Variants in MAP3K2 observed in about 807,000 individuals in gnomAD.
The protein encoded by MAP3K2 is mitogen-activated protein kinase kinase kinase 2.
Under a neutral mutation model 80.3 loss-of-function variants are expected in MAP3K2, and 24 were observed. The observed-to-expected ratio is 0.30, with a 90% CI of 0.22 to 0.42. MAP3K2 has a LOEUF of 0.42. Among genes scored for constraint, MAP3K2 ranks in the 10% least tolerant of loss-of-function variants. The probability of loss-of-function intolerance (pLI) is 1.00; values close to 1 mark genes in which losing one functional copy is unlikely to be tolerated. For missense variants in MAP3K2, 608 were observed against 750.1 expected (o/e 0.81, Z 2.21); for synonymous variants, 244 against 253.7 (o/e 0.96, Z 0.36).
chr2:127,376,710 C>G (rs1340794126), intron 1 of MAP3K2, among the ~76,000 whole-genome samples: 2 of 152,128 alleles, frequency 1.3e-5, no homozygotes, highest in Non-Finnish European at 2.9e-5. Flanking sequence ...TTGTTTTAAG[C>G]CACTGAGATA....
chr2:127,328,286 A>T (rs1686184229), intron 7 of MAP3K2, among the ~76,000 whole-genome samples: 1 of 152,228 alleles, frequency 6.6e-6, no homozygotes, highest in Admixed American at 6.5e-5. Context: ...AAAAATAAAT[A>T]AAATAAAGTG....
intron 1 of MAP3K2, among the ~76,000 whole-genome samples, chr2:127,361,853 A>T (rs1686899586): frequency 1.3e-5 from 2 of 152,240 alleles, no homozygotes; most frequent in South Asian, 2.1e-4. Context: ...ACTCTCGGCT[A>T]TTACAAACCC....
intron 1 of MAP3K2, among the ~76,000 whole-genome samples, chr2:127,366,494 A>C (rs554474483): frequency 6.6e-6 from 1 of 152,302 alleles, no homozygotes; most frequent in East Asian, 1.9e-4. Context: ...AGAAATAAAA[A>C]ATTCTGAGAA....
intron 8 of MAP3K2, 139 bp downstream of exon 8, chr2:127,326,548 T>C: frequency 1.9e-6 from 1 of 524,130 alleles, no homozygotes; most frequent in Non-Finnish European, 3.0e-6. Context: ...TTTTCCTATA[T>C]TTTTTCTATT....
rs1386673205 is a variant in MAP3K2, at chr2:127,321,395, G to T, written c.1045+651C>A. Among the ~76,000 whole-genome samples, 3 of 152,070 alleles carry T rather than the reference G, an allele frequency of 2.0e-5. No individual in the cohort carries two copies. The highest frequency in any genetic ancestry group is 7.2e-5 in the African/African-American group (3 of 41,382). Reference sequence around the variant, plus strand: ...CAAAAATAACAGCAATATAGCATGGGGTCAATATGGATATAAAAGTAAACT... The same window carrying T: ...CAAAAATAACAGCAATATAGCATGGTGTCAATATGGATATAAAAGTAAACT... On this transcript the variant is annotated intron_variant, in intron 12 of 16. Coordinates refer to ENST00000682094, the MANE Select transcript of MAP3K2 (RefSeq NM_001371910.2). This position sits in a 1 kb window ranked among gnomAD's most constrained non-coding sequence, Gnocchi z 4.4.
rs542722186 is a variant in MAP3K2 at position 127,364,172 on chromosome 2, T to G, written c.-65-20978A>C. Among the ~76,000 whole-genome samples, 4 of 152,362 alleles carry G rather than the reference T, an allele frequency of 2.6e-5. No individual in the cohort carries two copies. In the East Asian group the frequency reaches 5.8e-4, roughly 22 times the overall value. ...AGCCCCCTTCCTGGTCCTTGATTTC[T>G]GCTCATCCCTTGAATACCCATCTCC... On this transcript the variant is annotated intron_variant, in intron 1 of 16. Transcript: ENST00000682094. The surrounding 1 kb of genome is among the most constrained non-coding windows in gnomAD (Gnocchi z 4.1).
chr2:127,309,133 G>A (rs896279815), intron 15 of MAP3K2, among the ~76,000 whole-genome samples: 2 of 152,156 alleles, frequency 1.3e-5, no homozygotes, highest in Non-Finnish European at 2.9e-5. Flanking sequence ...GAAGCCCATG[G>A]ATGAAGCTTA....
At chr2:127,344,488 CA>C (rs10611311) in intron 1 of MAP3K2, among the ~76,000 whole-genome samples, 32,298 of 128,842 alleles carry the variant, frequency 0.25, 3,721 homozygotes, top group Middle Eastern at 0.3. Flanking sequence ...CCATTTCCAC[CA>C]AAAAAAAAAA....
At chr2:127,341,330 G>C (rs1374115166) in intron 2 of MAP3K2, among the ~76,000 whole-genome samples, 3 of 151,694 alleles carry the variant, frequency 2.0e-5, no homozygotes, top group African/African-American at 7.3e-5. Context: ...AAAAAAATAA[G>C]TACCGTTTTC....
chr2:127,309,122 A>G (rs1182435211), intron 15 of MAP3K2, among the ~76,000 whole-genome samples: 1 of 152,232 alleles, frequency 6.6e-6, no homozygotes, highest in Admixed American at 6.5e-5. Flanking sequence ...TCATAAAGCA[A>G]GAAGCCCATG....
intron 1 of MAP3K2, 99 bp from the exon 2 acceptor site, chr2:127,343,293 T>C (rs1347077734): frequency 3.4e-6 from 2 of 584,542 alleles, no homozygotes; most frequent in African/African-American, 1.9e-5. Context: ...TAATGAAAAA[T>C]ATACAATATG....
chr2:127,314,635 T>C (rs1685866376), intron 15 of MAP3K2, 119 bp downstream of exon 15: 1 of 797,390 alleles, frequency 1.3e-6, no homozygotes, highest in Non-Finnish European at 1.9e-6. Context: ...AAGAGAACTG[T>C]TTCCCTGTAG....
At chr2:127,340,939 G>A (rs1686467852) in intron 2 of MAP3K2, among the ~76,000 whole-genome samples, 1 of 151,780 alleles carries the variant, frequency 6.6e-6, no homozygotes, top group Admixed American at 6.6e-5. Context: ...CTTGGGGGAG[G>A]GCCTTTGGCT....
At chr2:127,326,598 T>A (rs958552483) in intron 8 of MAP3K2, 89 bp downstream of exon 8, 7 of 895,856 alleles carry the variant, frequency 7.8e-6, no homozygotes, top group Non-Finnish European at 1.1e-5. Flanking sequence ...GAAGAGATAA[T>A]ACACACACAC....
In MAP3K2 at chr2:127,387,824, C is replaced by G. The variant is rs1421715194; in HGVS notation, c.-438G>C. ...AGAAGAGGCGGGAGTGGCGACTCTG[C>G]GGACAGGGGCGCCGAGCGTCCTGGT... On this transcript the variant is annotated 5_prime_UTR_variant, in exon 1 of 17. Coordinates refer to ENST00000682094, the MANE Select transcript of MAP3K2 (RefSeq NM_001371910.2). 1.0e-6 allele frequency: 1 copy of G among 984,882 alleles called. No individual in the cohort carries two copies. The highest frequency in any genetic ancestry group is 1.8e-5 in the African/African-American group (1 of 57,126). The allele number at this position is 984,882 out of a possible 1,614,324, so 61.0% of individuals were successfully genotyped here. A position where few individuals can be genotyped will look rare whatever the true frequency, so the allele number is the denominator to read the frequency against.
intron 1 of MAP3K2, among the ~76,000 whole-genome samples, chr2:127,346,747 G>C (rs2104854567): frequency 6.6e-6 from 1 of 152,194 alleles, no homozygotes; most frequent in Admixed American, 6.5e-5. Context: ...CAGCACTTTG[G>C]GAGGCTGAGG....
chr2:127,334,523 T>C (rs1158421965), intron 5 of MAP3K2, among the ~76,000 whole-genome samples: 3 of 152,010 alleles, frequency 2.0e-5, no homozygotes, highest in Non-Finnish European at 4.4e-5. Flanking sequence ...CTCAAATTCC[T>C]GGGCTCAAGC....
At chr2:127,308,785 T>C (rs1222695460) in intron 15 of MAP3K2, 23 bp from the exon 16 acceptor site, 1 of 1,602,722 alleles carries the variant, frequency 6.2e-7, no homozygotes, top group Non-Finnish European at 8.5e-7. Flanking sequence ...CATTGCCTCA[T>C]TTCATTAATT....
chr2:127,337,866 GT>G, intron 3 of MAP3K2, 88 bp from the exon 4 acceptor site: 1 of 815,482 alleles, frequency 1.2e-6, no homozygotes, highest in East Asian at 3.0e-5. Flanking sequence ...AAATGATTTT[GT>G]TTTTTAGCCA....
Sources: allele counts gnomAD v4.1 joint callset (sites outside exome capture counted in the v4.1 genomes callset), GRCh38; gene constraint gnomAD v4.1.1; non-coding constraint Gnocchi (gnomAD v3.1); transcripts MANE v1.5; gene names NCBI Gene and HGNC (gene_info 2026-07-23, HGNC 2026-07-21).